Variants in MPRIP observed in about 807,000 individuals in gnomAD.
MPRIP encodes myosin phosphatase Rho-interacting protein.
Under a neutral mutation model 234.9 loss-of-function variants are expected in MPRIP, and 59 were observed. That is an observed-to-expected ratio of 0.25 (90% CI 0.20 to 0.31). The LOEUF is 0.31. MPRIP is among the 10% of genes least tolerant of loss of function. The pLI is 1.00. For missense variants in MPRIP, 2,436 were observed against 3,071.0 expected (o/e 0.79, Z 4.89); for synonymous variants, 1,144 against 1,263.9 (o/e 0.91, Z 2.01).
intron 3 of MPRIP, among the ~76,000 whole-genome samples, chr17:17,086,315 C>T (rs1022329443): frequency 2.0e-5 from 3 of 152,212 alleles, no homozygotes; most frequent in East Asian, 1.9e-4. Flanking sequence ...TTTTTTACCC[C>T]TGCCCTCCAC....
intron 3 of MPRIP, among the ~76,000 whole-genome samples, chr17:17,114,887 C>T (rs1286974872): frequency 6.6e-6 from 1 of 152,230 alleles, no homozygotes; most frequent in Non-Finnish European, 1.5e-5. Context: ...GAGGAACTTC[C>T]TGGTCTTGGC....
At chr17:17,172,852 G>A (rs957611443) in intron 18 of MPRIP, 37 bp downstream of exon 18, 3 of 1,567,024 alleles carry the variant, frequency 1.9e-6, no homozygotes, top group Admixed American at 3.3e-5. Flanking sequence ...CCTTGGGAGG[G>A]CCCCTCTGGG....
chr17:17,121,159 G>A (rs1004251603), intron 3 of MPRIP, among the ~76,000 whole-genome samples: 61 of 152,304 alleles, frequency 4.0e-4, no homozygotes, highest in Non-Finnish European at 6.2e-4. Flanking sequence ...TGAGAAATGT[G>A]TTTTCTCAGG....
intron 4 of MPRIP, among the ~76,000 whole-genome samples, chr17:17,128,704 G>T (rs1473698899): frequency 6.6e-6 from 1 of 152,146 alleles, no homozygotes; most frequent in African/African-American, 2.4e-5. Flanking sequence ...AGGTTCTCAC[G>T]TGGCATAACC....
At chr17:17,096,989 G>A (rs890905912) in intron 3 of MPRIP, 63 of 338,990 alleles carry the variant, frequency 1.9e-4, no homozygotes, top group African/African-American at 1.3e-3. Context: ...GTGCCTGCCC[G>A]GCTATCGTAG....
chr17:17,153,066 C>G (rs760988442), intron 12 of MPRIP, among the ~76,000 whole-genome samples: 1 of 152,168 alleles, frequency 6.6e-6, no homozygotes, highest in Non-Finnish European at 1.5e-5. Flanking sequence ...ACGCCCACAC[C>G]TGGGGGTGGA....
rs747175250 is a variant in MPRIP at position 17,158,653 on chromosome 17, C to G, written c.2051C>G (p.Ala684Gly). ...AQERVGGVGP[A>G]DTHEPLRPEA... ...GAGCGGGTGGGCGGCGTGGGGCCTG[C>G]TGACACCCACGAGCCCCTGCGCCCT... The change falls in exon 14 of 24, where the codon GCT becomes GGT. Residue 684 changes from alanine to glycine, a missense_variant. Ala to Gly is a moderately conservative substitution (Grantham distance 60). This residue lies in a region of MPRIP where 1,998 missense variants were observed against 2,520.3 expected (regional missense o/e 0.79). Coordinates refer to ENST00000651222, the MANE Select transcript of MPRIP (RefSeq NM_001364716.4). The G allele has an allele frequency of 2.0e-5, 32 of 1,603,442 alleles. No individual in the cohort carries two copies. The African/African-American group carries it at 4.2e-4, about 21-fold the overall frequency.
Position 17,167,558 on chromosome 17 carries a change from G to A in MPRIP, c.5967G>A (p.Arg1989=), listed in dbSNP as rs1172606515. Residue 1989 remains arginine (R), a synonymous_variant, in exon 16 of 24, where the codon AGG becomes AGA. Coordinates refer to ENST00000651222, the MANE Select transcript of MPRIP (RefSeq NM_001364716.4). This position sits in a 1 kb window ranked among gnomAD's most constrained non-coding sequence, Gnocchi z 5.9. ...TCAGAGACAGGCAGGACATGGAGAG[G>A]CATCATGGTGAGCAGATACAGACCC... ...ASVRDRQDME[R]HHGEQIQTLE... is the part of the protein sequence containing the mutation. 1.5e-6 allele frequency: 2 copies of A among 1,304,250 alleles called. No homozygotes were observed. The highest frequency in any genetic ancestry group is 5.5e-5 in the East Asian group (1 of 18,024). 80.8% of individuals were successfully genotyped at this position (1,304,250 alleles called of 1,614,324 possible).
intron 3 of MPRIP, among the ~76,000 whole-genome samples, chr17:17,097,567 C>G (rs1401823471): frequency 1.3e-5 from 2 of 152,240 alleles, no homozygotes; most frequent in East Asian, 3.8e-4. Context: ...TAGCTACACC[C>G]CATTCCATTG....
chr17:17,103,710 G>C (rs1279896420), intron 3 of MPRIP, among the ~76,000 whole-genome samples: 1 of 152,120 alleles, frequency 6.6e-6, no homozygotes, highest in Admixed American at 6.5e-5. Context: ...TCAGGGGTGG[G>C]GGCTGAAAAG....
rs1243224330 is a variant in MPRIP, at chr17:17,166,366, G to A, written c.4775G>A (p.Arg1592Gln). ...SLKNTTSDVS[R>Q]MLHEISWSGQ... is the part of the protein sequence containing the mutation. ...AAGAACACAACATCAGATGTCTCCCGAATGCTCCATGAGATTTCTTGGTCA... is the reference window on the plus strand; with the variant it reads ...AAGAACACAACATCAGATGTCTCCCAAATGCTCCATGAGATTTCTTGGTCA... The change falls in exon 16 of 24, where the codon CGA (arginine) becomes CAA (glutamine). Residue 1592 changes from arginine (R) to glutamine (Q), a missense_variant. Arg to Gln is a conservative substitution (Grantham distance 43). Around this residue, in one of 4 missense-constraint regions of MPRIP, gnomAD observed 1,998 missense variants for 2,520.3 expected, o/e 0.79. Transcript: ENST00000651222. This position sits in a 1 kb window ranked among gnomAD's most constrained non-coding sequence, Gnocchi z 4.4. 5 of 1,304,578 alleles carry A rather than the reference G, an allele frequency of 3.8e-6. No individual in the cohort carries two copies. Among genetic ancestry groups the A allele is most frequent in the Admixed American group, 4.6e-5 (2 of 43,576 alleles). The allele number at this position is 1,304,578 out of a possible 1,614,324, so 80.8% of individuals were successfully genotyped here.
intron 1 of MPRIP, among the ~76,000 whole-genome samples, chr17:17,060,982 G>T (rs2088851642): frequency 6.6e-6 from 1 of 152,204 alleles, no homozygotes; most frequent in African/African-American, 2.4e-5. Context: ...GGTCTGCAGT[G>T]GTGACCAGTG....
At chr17:17,065,528 G>A (rs1277139270) in intron 1 of MPRIP, among the ~76,000 whole-genome samples, 1 of 151,636 alleles carries the variant, frequency 6.6e-6, no homozygotes, top group Non-Finnish European at 1.5e-5. Flanking sequence ...CTGTTCCATT[G>A]ATCCATGTGT....
chr17:17,048,472 C>T (rs926593756), intron 1 of MPRIP, among the ~76,000 whole-genome samples: 18 of 152,102 alleles, frequency 1.2e-4, no homozygotes, highest in African/African-American at 4.1e-4. Flanking sequence ...GGAGATTTCG[C>T]ATCCCCCCCT....
intron 11 of MPRIP, among the ~76,000 whole-genome samples, chr17:17,149,474 C>G (rs1597463541): frequency 1.3e-5 from 2 of 148,392 alleles, no homozygotes; most frequent in East Asian, 3.9e-4. Flanking sequence ...GCCTGAGTGA[C>G]AGAGCAAGAC....
rs576051011 is a variant in MPRIP at position 17,167,946 on chromosome 17, G to T, written c.6324+31G>T. Reference sequence around the variant, plus strand: ...AACGCCCCATTCAATTTGCAGAGCAGATCTTCCTTGATAATGGGGTGGGTG... The same window carrying T: ...AACGCCCCATTCAATTTGCAGAGCATATCTTCCTTGATAATGGGGTGGGTG... On this transcript the variant is annotated intron_variant, in intron 16 of 23. Transcript: ENST00000651222. This position sits in a 1 kb window ranked among gnomAD's most constrained non-coding sequence, Gnocchi z 5.9. 5.5e-6 allele frequency: 7 copies of T among 1,278,562 alleles called. No homozygotes were observed. The South Asian group carries it at 6.4e-5, about 12-fold the overall frequency. The allele number at this position is 1,278,562 out of a possible 1,614,324, so 79.2% of individuals were successfully genotyped here.
At chr17:17,106,051 C>A (rs78425141) in intron 3 of MPRIP, among the ~76,000 whole-genome samples, 13,008 of 152,292 alleles carry the variant, frequency 0.085, 706 homozygotes, top group Middle Eastern at 0.15. Flanking sequence ...CAGGATCTTC[C>A]TGAGTCCCTC....
intron 3 of MPRIP, among the ~76,000 whole-genome samples, chr17:17,108,576 A>G (rs1272953332): frequency 6.6e-6 from 1 of 152,198 alleles, no homozygotes; most frequent in East Asian, 1.9e-4. Context: ...AAAGTTTGGA[A>G]CCATTGCTTT....
chr17:17,111,589 G>A (rs370899527), intron 3 of MPRIP, among the ~76,000 whole-genome samples: 1 of 152,232 alleles, frequency 6.6e-6, no homozygotes, highest in African/African-American at 2.4e-5. Flanking sequence ...GAGAGACCAT[G>A]CTGGGGAACA....
Sources: allele counts gnomAD v4.1 joint callset (sites outside exome capture counted in the v4.1 genomes callset), GRCh38; gene constraint gnomAD v4.1.1; regional missense constraint gnomAD v4.1.1; non-coding constraint Gnocchi (gnomAD v3.1); transcripts MANE v1.5; gene names NCBI Gene and HGNC (gene_info 2026-07-23, HGNC 2026-07-21).